VIRMA: variants seen among roughly 807,000 people sequenced by gnomAD.
VIRMA encodes vir like m6A methyltransferase associated.
VIRMA carries 65 observed loss-of-function variants against 182.4 expected under a neutral mutation model. The observed-to-expected ratio is 0.36, with a 90% CI of 0.29 to 0.44. The LOEUF (loss-of-function observed/expected upper bound fraction) is 0.44, where lower values mean the gene tolerates loss of function less well. Ranked by LOEUF, VIRMA falls within the 20% of genes least tolerant of loss-of-function variation. VIRMA has a pLI of 1.00. For missense variants in VIRMA, 1,752 were observed against 2,158.1 expected, an observed-to-expected ratio of 0.81 and a Z score of 3.73; for synonymous variants, 709 against 743.1, an observed-to-expected ratio of 0.95 and a Z score of 0.75.
At chr8:94,497,438 C>CT (rs59548702) in intron 17 of VIRMA, 40,226 of 149,446 alleles carry the variant, frequency 0.27, 5,570 homozygotes, top group South Asian at 0.45. Flanking sequence ...CTTTTTTTTT[C>CT]TTTTTTTTGA....
At chr8:94,534,057 T>C (rs1006613823) in intron 5 of VIRMA, 1 of 152,236 alleles carries the variant, frequency 6.6e-6, no homozygotes, top group African/African-American at 2.4e-5. Context: ...TGATTAACAC[T>C]GGAGTGAGGA....
chr8:94,512,046 G>T lies in VIRMA; in HGVS notation c.2795C>A (p.Thr932Asn). 1 of 1,531,290 alleles carries T rather than the reference G, an allele frequency of 6.5e-7. No homozygotes were observed. Among genetic ancestry groups the T allele is most frequent in the Non-Finnish European group, 8.8e-7 (1 of 1,139,320 alleles). The allele number at this position is 1,531,290 out of a possible 1,614,324, so 94.9% of individuals were successfully genotyped here. The change falls in exon 12 of 24, where the codon ACT becomes AAT. Residue 932 changes from threonine (T) to asparagine (N), a missense_variant. By Grantham distance (65) the Thr-to-Asn change is moderately conservative. Around this residue, in one of 11 missense-constraint regions of VIRMA, gnomAD observed 777 missense variants for 920.6 expected, o/e 0.84. Coordinates refer to ENST00000297591, the MANE Select transcript of VIRMA (RefSeq NM_015496.5). Reference protein sequence around the residue: ...LMTPEGVGLTTALRVLCNVAC... With the variant: ...LMTPEGVGLTNALRVLCNVAC... ...AACATTACAGAGAACACGTAAGGCA[G>T]TGGTAAGGCCAACTCCTTCTGGGGT...
rs78686282 is a variant in VIRMA at position 94,496,387 on chromosome 8, G to A, written c.4324C>T (p.Leu1442=). Residue 1442 remains leucine, a synonymous_variant, in exon 18 of 24, where the codon CTA becomes TTA. Transcript: ENST00000297591. ...SINAAELKQL[L]QSKEESPENL... is the part of the protein sequence containing the mutation. ...TCTGGACTTTCTTCTTTGCTTTGTA[G>A]AAGCTGTTTTAACTCTGCAGCATTA... 2.6e-4 allele frequency: 420 copies of A among 1,613,610 alleles called. 2 individuals are homozygous for A. In the African/African-American group the frequency reaches 4.8e-3, roughly 19 times the overall value.
chr8:94,522,024 T>C (rs890421119), intron 8 of VIRMA, among the ~76,000 whole-genome samples: 1 of 152,190 alleles, frequency 6.6e-6, no homozygotes, highest in African/African-American at 2.4e-5. Context: ...TGTGCCTAAA[T>C]TATTTGTGCA....
At chr8:94,494,299 A>AC (rs1554613870) in intron 20 of VIRMA, among the ~76,000 whole-genome samples, 4 of 149,206 alleles carry the variant, frequency 2.7e-5, no homozygotes, top group African/African-American at 9.9e-5. Flanking sequence ...TTAAAAAAAA[A>AC]TTTTTTTTTT....
rs573994447 is a variant in VIRMA, at chr8:94,537,145, T to G, written c.273A>C (p.Glu91Asp). 12 of 1,597,348 alleles carry G rather than the reference T, an allele frequency of 7.5e-6. No homozygotes were observed. Among genetic ancestry groups the G allele is most frequent in the East Asian group, 4.5e-5 (2 of 44,800 alleles). ...APVFDRLGSL[E>D]YDENTSIIFR... ...AGATGATGGAAGTATTCTCATCATA[T>G]TCCAGGCTGTCAAGAGAGTAGAAAT... Residue 91 changes from glutamate to aspartate, a missense_variant, in exon 4 of 24, where the codon GAA becomes GAC. By Grantham distance (45) the Glu-to-Asp change is conservative (BLOSUM62 2). Coordinates refer to ENST00000297591, the MANE Select transcript of VIRMA (RefSeq NM_015496.5).
chr8:94,544,677 A>G (rs1191749502), intron 1 of VIRMA, among the ~76,000 whole-genome samples: 3 of 150,532 alleles, frequency 2.0e-5, no homozygotes, highest in African/African-American at 2.4e-5. Context: ...AAAAAAAAAA[A>G]AAAGAAAAAA....
chr8:94,519,578 C>T (rs549783187), intron 8 of VIRMA, 102 bp from the exon 9 acceptor site: 2 of 1,220,120 alleles, frequency 1.6e-6, no homozygotes, highest in East Asian at 2.4e-5. Flanking sequence ...TGACCATAAT[C>T]CTTATCCTCA....
chr8:94,511,220 G>C lies in VIRMA; in HGVS notation c.3355C>G (p.Leu1119Val). 1.9e-6 allele frequency: 3 copies of C among 1,614,116 alleles called. No individual in the cohort carries two copies. Among genetic ancestry groups the C allele is most frequent in the Non-Finnish European group, 2.5e-6 (3 of 1,179,998 alleles). Residue 1119 changes from leucine to valine, a missense_variant, in exon 13 of 24, where the codon CTG (leucine) becomes GTG (valine). Leu to Val is a conservative substitution (Grantham distance 32, BLOSUM62 1). Around this residue, in one of 11 missense-constraint regions of VIRMA, gnomAD observed 777 missense variants for 920.6 expected, o/e 0.84. Coordinates refer to ENST00000297591, the MANE Select transcript of VIRMA (RefSeq NM_015496.5). ...FFSGLILLSE[L>V]LPLPLPMQTT... ...TGCATGGGCAATGGAAGAGGCAGCA[G>C]CTCTGAAAGGAGTATGAGTCCAGAA...
At chr8:94,507,895 A>ATATATATGTATATATGTATATATG (rs746921505) in intron 15 of VIRMA, among the ~76,000 whole-genome samples, 1 of 148,808 alleles carries the variant, frequency 6.7e-6, no homozygotes, top group Non-Finnish European at 1.5e-5. Flanking sequence ...GTATATATGT[A>ATATATATGTATATATGTATATATG]TATATATGTA....
intron 10 of VIRMA, 136 bp downstream of exon 10, chr8:94,517,652 T>C (rs202020098): frequency 1.9e-6 from 1 of 522,638 alleles, no homozygotes; most frequent in East Asian, 3.1e-5. Context: ...ACTGTCTTCA[T>C]AAAAAGTAAT....
Position 94,491,752 on chromosome 8 carries a change from C to A in VIRMA, c.4966G>T (p.Asp1656Tyr). ...TSRPPSMHVDDFVAAESKEVV... is the reference protein window; with the variant it reads ...TSRPPSMHVDYFVAAESKEVV... The stretch of plus-strand genomic sequence containing the variant: ...TCTTTACTTTCAGCAGCAACAAAGT[C>A]ATCCACATGCATAGATGGTGGTCTA... The change falls in exon 22 of 24, where the codon GAC becomes TAC. Residue 1656 changes from aspartate (D) to tyrosine (Y), a missense_variant. This residue lies in a region of VIRMA where 1 missense variants were observed against 28.0 expected (regional missense o/e 0.04). Transcript: ENST00000297591. The A allele has an allele frequency of 6.2e-7, 1 of 1,614,094 alleles. No homozygotes were observed. Among genetic ancestry groups the A allele is most frequent in the South Asian group, 1.1e-5 (1 of 91,064 alleles).
intron 16 of VIRMA, among the ~76,000 whole-genome samples, chr8:94,502,263 G>A (rs553781844): frequency 3.3e-5 from 5 of 151,958 alleles, no homozygotes; most frequent in Middle Eastern, 3.4e-3. Flanking sequence ...GCTTGAGCCC[G>A]GGAGGCGAAG....
chr8:94,519,146 ACTG>A lies in VIRMA; in HGVS notation c.2349_2351del (p.Ser784del), dbSNP rs745881567. 3.3e-5 allele frequency: 54 copies of A among 1,614,020 alleles called. No homozygotes were observed. The highest frequency in any genetic ancestry group is 4.6e-5 in the Non-Finnish European group (54 of 1,179,998). ...AGAGATCTGAATGGTCTGTTTCTTC[ACTG>A]GCTGTACAACGCTGAAAATGGCTGA... On this transcript the variant is annotated inframe_deletion, in exon 9 of 24. Transcript: ENST00000297591.
chr8:94,515,143 T>A (rs1038337990), intron 10 of VIRMA, among the ~76,000 whole-genome samples, 192 bp from the exon 11 acceptor site: 1 of 151,702 alleles, frequency 6.6e-6, no homozygotes, highest in Admixed American at 6.6e-5. Flanking sequence ...TTGCACAGGC[T>A]GGAGTACAAA....
intron 18 of VIRMA, 71 bp from the exon 19 acceptor site, chr8:94,495,962 GT>G (rs1328692889): frequency 7.4e-7 from 1 of 1,350,662 alleles, no homozygotes; most frequent in East Asian, 2.4e-5. Flanking sequence ...TGACTCTTTC[GT>G]AGAAAAGGCT....
chr8:94,491,659 G>A lies in VIRMA; in HGVS notation c.5059C>T (p.Arg1687Cys), dbSNP rs557251478. The A allele has an allele frequency of 5.0e-6, 8 of 1,614,136 alleles. No homozygotes were observed. The highest frequency in any genetic ancestry group is 4.0e-5 in the African/African-American group (3 of 75,024). ...PLKVSQKISS[R>C]GGFSGNRGGR... is the part of the protein sequence containing the mutation. ...CCTCTATTGCCTGAAAACCCACCAC[G>A]GGAAGAAATCTTCTGTGATACTTTG... is the stretch of plus-strand genomic sequence containing the variant. The change falls in exon 22 of 24, where the codon CGT (arginine) becomes TGT (cysteine). Residue 1687 changes from arginine to cysteine, a missense_variant. Coordinates refer to ENST00000297591, the MANE Select transcript of VIRMA (RefSeq NM_015496.5).
chr8:94,528,935 G>A, intron 7 of VIRMA, 135 bp downstream of exon 7: 1 of 1,062,484 alleles, frequency 9.4e-7, no homozygotes, highest in Non-Finnish European at 1.4e-6. Flanking sequence ...GTCATGCCTT[G>A]AGGCCTAGCT....
chr8:94,530,273 G>C (rs1371602433), intron 6 of VIRMA, among the ~76,000 whole-genome samples: 1 of 152,032 alleles, frequency 6.6e-6, no homozygotes, highest in Non-Finnish European at 1.5e-5. Context: ...CAAAACTGTG[G>C]GGGGCCAAGG....
Sources: gnomAD v4.1 joint callset for allele counts (sites outside exome capture counted in the v4.1 genomes callset) on GRCh38, gnomAD v4.1.1 for gene constraint, gnomAD v4.1.1 regional missense constraint, MANE v1.5 for transcripts, NCBI Gene and HGNC (gene_info 2026-07-23, HGNC 2026-07-21) for gene names.